The following CEP164 variants were observed in gnomAD, a reference collection of about 807,000 sequenced individuals.
The protein encoded by CEP164 is centrosomal protein 164, also known as centrosomal protein of 164 kDa.
A neutral mutation model predicts 182.7 loss-of-function variants in CEP164; 162 were observed. That is an observed-to-expected ratio of 0.89 (90% CI 0.78 to 1.01). CEP164 has a LOEUF of 1.01. Among genes scored for constraint, CEP164 ranks in the 50% least tolerant of loss-of-function variants. The probability of loss-of-function intolerance (pLI) is 0.00; values close to 1 mark genes in which losing one functional copy is unlikely to be tolerated. For synonymous variants in CEP164, 661 were observed against 690.0 expected (o/e 0.96, Z 0.66); for missense variants, 1,735 against 1,790.4 (o/e 0.97, Z 0.56).
At chr11:117,389,537 A>C (rs1191223159) in intron 15 of CEP164, among the ~76,000 whole-genome samples, 1 of 152,236 alleles carries the variant, frequency 6.6e-6, no homozygotes, top group African/African-American at 2.4e-5. Context: ...AGAGATACAG[A>C]AGATGAATTA....
In CEP164 at chr11:117,351,906, C is replaced by G. The variant is rs1565454521; in HGVS notation, c.311C>G (p.Ser104Ter). The change falls in exon 5 of 33, where the codon TCA (serine) becomes TGA (stop). Residue 104 changes from serine (S) to a stop codon, truncating the protein, a stop_gained. Transcript: ENST00000278935. LOFTEE classifies it high-confidence loss of function. ...SLVIQERAKL[S>*]TSGAIKKKKK... ...GTGATCCAAGAGCGGGCAAAGCTGT[C>G]AACTTCTGGGGCCATTAAGAAGAAG... 1 of 1,612,742 alleles carries G rather than the reference C, an allele frequency of 6.2e-7. No individual in the cohort carries two copies. The highest frequency in any genetic ancestry group is 1.7e-5 in the Admixed American group (1 of 59,838).
chr11:117,408,927 A>G lies in CEP164; in HGVS notation c.3647A>G (p.Lys1216Arg). The change falls in exon 29 of 33, where the codon AAG (lysine) becomes AGG (arginine). Residue 1216 changes from lysine (K) to arginine (R), a missense_variant. Transcript: ENST00000278935. ...DEGTLGGSPT[K>R]KAVTFDLSDM... The stretch of plus-strand genomic sequence containing the variant: ...GGCACTCTGGGAGGATCCCCCACCA[A>G]GAAGGCAGTAACCTTCGACCTCAGT... 6.2e-7 allele frequency: 1 copy of G among 1,614,156 alleles called. No individual in the cohort carries two copies. Among genetic ancestry groups the G allele is most frequent in the Non-Finnish European group, 8.5e-7 (1 of 1,180,016 alleles).
chr11:117,326,609 C>T (rs542646401), upstream of CEP164, among the ~76,000 whole-genome samples: 3 of 152,134 alleles, frequency 2.0e-5, no homozygotes, highest in Non-Finnish European at 4.4e-5. Flanking sequence ...CGTGAGAACC[C>T]TCTCTTCATG....
chr11:117,358,242 C>A (rs1369279743), intron 5 of CEP164, among the ~76,000 whole-genome samples: 5 of 152,134 alleles, frequency 3.3e-5, no homozygotes, highest in Admixed American at 3.3e-4. Flanking sequence ...AGTTAATGGC[C>A]ATCTATAGAA....
chr11:117,332,507 C>T (rs1037174405), intron 1 of CEP164, among the ~76,000 whole-genome samples: 11 of 151,982 alleles, frequency 7.2e-5, no homozygotes, highest in Middle Eastern at 3.2e-3. Flanking sequence ...ACCCAGGAGG[C>T]GGAGGTTGCA....
Position 117,409,862 on chromosome 11 carries a change from C to T in CEP164, c.3993C>T (p.Ser1331=), listed in dbSNP as rs768029564. Residue 1331 remains serine, a synonymous_variant, in exon 30 of 33, where the codon TCC becomes TCT. Transcript: ENST00000278935. The surrounding 1 kb of genome is among the most constrained non-coding windows in gnomAD (Gnocchi z 4.4). ...CCTTATCATCTGCTACACCCACGTCCACCCAATGGGCCTGGGATTCAGGGC... is the reference window on the plus strand; with the variant it reads ...CCTTATCATCTGCTACACCCACGTCTACCCAATGGGCCTGGGATTCAGGGC... The part of the protein sequence containing the change: ...FSALSSATPT[S]TQWAWDSGQG... The T allele has an allele frequency of 6.2e-7, 1 of 1,613,834 alleles. No homozygotes were observed. Among genetic ancestry groups the T allele is most frequent in the Non-Finnish European group, 8.5e-7 (1 of 1,179,948 alleles).
chr11:117,388,377 C>T (rs1158140743), intron 15 of CEP164, among the ~76,000 whole-genome samples: 1 of 152,236 alleles, frequency 6.6e-6, no homozygotes, highest in African/African-American at 2.4e-5. Context: ...GAAATCAATG[C>T]ATATTCAGGC....
chr11:117,365,619 C>T (rs2041546291), intron 8 of CEP164, among the ~76,000 whole-genome samples: 1 of 151,882 alleles, frequency 6.6e-6, no homozygotes, highest in African/African-American at 2.4e-5. Flanking sequence ...CACTCTTGTC[C>T]CCCAGGCTGT....
At chr11:117,336,984 G>T (rs1310881559) in intron 2 of CEP164, among the ~76,000 whole-genome samples, 1 of 152,134 alleles carries the variant, frequency 6.6e-6, no homozygotes, top group South Asian at 2.1e-4. Flanking sequence ...GGTAGGGGTG[G>T]GAAGAGAGGA....
At chr11:117,367,296 C>T (rs983259915) in intron 8 of CEP164, among the ~76,000 whole-genome samples, 18 of 152,264 alleles carry the variant, frequency 1.2e-4, no homozygotes, top group Non-Finnish European at 1.5e-5. Context: ...CTTTCCCCAC[C>T]CTTGAGGTGC....
Position 117,409,086 on chromosome 11 carries a change from G to C in CEP164, c.3748+58G>C. 1.2e-6 allele frequency: 2 copies of C among 1,607,242 alleles called. No homozygotes were observed. The highest frequency in any genetic ancestry group is 2.2e-5 in the South Asian group (2 of 90,268). ...GTATCCATGGAATGGGAGGAACTTG[G>C]GGAATAGAAGAAGAGCTCTCTTCCC... On this transcript the variant is annotated intron_variant, in intron 29 of 32. Transcript: ENST00000278935. This position sits in a 1 kb window ranked among gnomAD's most constrained non-coding sequence, Gnocchi z 4.4.
rs759148762 is a variant in CEP164, at chr11:117,411,828, G to A, written c.4197G>A (p.Ser1399=). The change falls in exon 32 of 33, where the codon TCG becomes TCA. Residue 1399 remains serine, a synonymous_variant. Coordinates refer to ENST00000278935, the MANE Select transcript of CEP164 (RefSeq NM_014956.5). The surrounding 1 kb of genome is among the most constrained non-coding windows in gnomAD (Gnocchi z 4.4). ...EQLRLLQHSH[S]QVPEAGSTTF... ...TCCGGCTCCTACAGCACTCCCATTC[G>A]CAAGTCCCTGAGGCGGGCAGCACCA... 69 of 1,613,948 alleles carry A rather than the reference G, an allele frequency of 4.3e-5. No individual in the cohort carries two copies. The highest frequency in any genetic ancestry group is 5.3e-5 in the Non-Finnish European group (62 of 1,180,002).
At chr11:117,345,329 G>A (rs2038728195) in intron 4 of CEP164, among the ~76,000 whole-genome samples, 1 of 152,118 alleles carries the variant, frequency 6.6e-6, no homozygotes, top group African/African-American at 2.4e-5. Context: ...CCTGCTCGTG[G>A]TGACACTGCT....
At chr11:117,355,750 T>G in intron 5 of CEP164, 2 of 1,135,646 alleles carry the variant, frequency 1.8e-6, no homozygotes, top group Non-Finnish European at 2.2e-6. Flanking sequence ...AGCTTGTCAA[T>G]AAGGATATCC....
In CEP164 at chr11:117,361,918, T is replaced by G; in HGVS notation, c.477T>G (p.Ser159=). The change falls in exon 6 of 33, where the codon TCT becomes TCG. Residue 159 remains serine (S), a synonymous_variant. Transcript: ENST00000278935. ...GAGGTCTTGTGGATACCCCACCCTC[T>G]GCTCTTCGTGGATCTCAAAGCGTGA... The part of the protein sequence containing the change: ...PLRGLVDTPP[S]ALRGSQSVSL... 1.2e-6 allele frequency: 2 copies of G among 1,611,512 alleles called. No homozygotes were observed. The highest frequency in any genetic ancestry group is 2.7e-5 in the African/African-American group (2 of 74,768).
intron 14 of CEP164, chr11:117,386,618 C>A (rs570451105): frequency 6.5e-6 from 1 of 153,104 alleles, no homozygotes; most frequent in African/African-American, 2.4e-5. Flanking sequence ...TCCTCCTGGC[C>A]CCCTTGGTGG....
At chr11:117,365,725 G>A (rs758524162) in intron 8 of CEP164, among the ~76,000 whole-genome samples, 23 of 151,922 alleles carry the variant, frequency 1.5e-4, no homozygotes, top group Non-Finnish European at 1.0e-4. Flanking sequence ...GATTACAGGC[G>A]CCCGCCACCA....
intron 2 of CEP164, chr11:117,336,223 G>T: frequency 6.3e-7 from 1 of 1,594,304 alleles, no homozygotes; most frequent in South Asian, 1.1e-5. Flanking sequence ...GCTGCTGGAA[G>T]AGGAGGAGAA....
intron 10 of CEP164, among the ~76,000 whole-genome samples, chr11:117,374,369 G>A (rs1467611055): frequency 6.6e-6 from 1 of 152,164 alleles, no homozygotes; most frequent in African/African-American, 2.4e-5. Flanking sequence ...TGCCAGGTCT[G>A]TACCTAAGGG....
Sources: gnomAD v4.1 joint callset for allele counts (sites outside exome capture counted in the v4.1 genomes callset) on GRCh38, gnomAD v4.1.1 for gene constraint, Gnocchi (gnomAD v3.1) non-coding constraint, MANE v1.5 for transcripts, NCBI Gene and HGNC (gene_info 2026-07-23, HGNC 2026-07-21) for gene names.